Variants in CMTM8 observed in about 807,000 individuals in gnomAD.
CMTM8 encodes the protein CKLF like MARVEL transmembrane domain containing 8, also known as CKLF-like MARVEL transmembrane domain-containing protein 8.
A neutral mutation model predicts 18.6 loss-of-function variants in CMTM8; 12 were observed. The observed-to-expected ratio is 0.65, with a 90% CI of 0.41 to 1.05. The LOEUF is 1.05. Ranked by LOEUF, CMTM8 falls within the 50% of genes least tolerant of loss-of-function variation. CMTM8 has a pLI of 0.00. For synonymous variants in CMTM8, 87 were observed against 90.6 expected (o/e 0.96, Z 0.23); for missense variants, 217 against 227.2 (o/e 0.95, Z 0.29).
intron 1 of CMTM8, among the ~76,000 whole-genome samples, chr3:32,309,864 G>A (rs1441912629): frequency 2.0e-5 from 3 of 152,118 alleles, no homozygotes; most frequent in Non-Finnish European, 4.4e-5. Flanking sequence ...AGGCCCTCTC[G>A]TACTGCGGGC....
At chr3:32,312,845 G>A (rs1695846853) in intron 1 of CMTM8, among the ~76,000 whole-genome samples, 1 of 151,530 alleles carries the variant, frequency 6.6e-6, no homozygotes, top group Non-Finnish European at 1.5e-5. Context: ...ACTCAGATGT[G>A]GTTGAAAGGG....
intron 1 of CMTM8, among the ~76,000 whole-genome samples, chr3:32,294,861 C>T (rs1171156396): frequency 6.6e-6 from 1 of 152,014 alleles, no homozygotes; most frequent in Non-Finnish European, 1.5e-5. Flanking sequence ...TTGAGACCAG[C>T]CAGGCCAACA....
At chr3:32,258,520 T>C (rs576055758) in intron 1 of CMTM8, among the ~76,000 whole-genome samples, 1 of 152,352 alleles carries the variant, frequency 6.6e-6, no homozygotes, top group South Asian at 2.1e-4. Flanking sequence ...TGTTTTGTTT[T>C]GTTTTGTTTG....
chr3:32,238,386 C>T (rs1701894826), upstream of CMTM8: 3 of 152,300 alleles, frequency 2.0e-5, no homozygotes, highest in Admixed American at 6.5e-5. Flanking sequence ...GCCCGCAGCC[C>T]CCGACCCGCC....
chr3:32,340,763 C>A (rs1458901236), intron 1 of CMTM8, among the ~76,000 whole-genome samples: 1 of 152,204 alleles, frequency 6.6e-6, no homozygotes, highest in Non-Finnish European at 1.5e-5. Flanking sequence ...CGCATGTGGC[C>A]CTGGGCCAAA....
chr3:32,319,074 A>ATATATTTTTTTTTTTTTTTTTT, intron 1 of CMTM8, among the ~76,000 whole-genome samples: 1 of 31,530 alleles, frequency 3.2e-5, no homozygotes, highest in Non-Finnish European at 5.1e-5. Flanking sequence ...ATATATATAT[A>ATATATTTTTTTTTTTTTTTTTT]TTTTTTTTTT....
At chr3:32,269,013 A>G (rs1015081461) in intron 1 of CMTM8, among the ~76,000 whole-genome samples, 3 of 152,238 alleles carry the variant, frequency 2.0e-5, no homozygotes, top group Non-Finnish European at 4.4e-5. Flanking sequence ...TAAAGGATGC[A>G]ACAAGAAATC....
chr3:32,279,398 A>AATTCCC (rs1245598977), intron 1 of CMTM8, among the ~76,000 whole-genome samples: 2 of 108,450 alleles, frequency 1.8e-5, no homozygotes, highest in Admixed American at 1.1e-4. Context: ...CTCATTGTTC[A>AATTCCC]ATTCCCACCT....
chr3:32,359,909 C>T (rs1352064317), intron 2 of CMTM8, among the ~76,000 whole-genome samples: 1 of 152,156 alleles, frequency 6.6e-6, no homozygotes. Flanking sequence ...GATTTACACA[C>T]AGCAGGGGTC....
chr3:32,344,770 C>T (rs1696562342), intron 1 of CMTM8, among the ~76,000 whole-genome samples: 1 of 152,132 alleles, frequency 6.6e-6, no homozygotes, highest in Non-Finnish European at 1.5e-5. Flanking sequence ...TTGCATGCAC[C>T]TGTAGTTCCA....
At chr3:32,338,587 G>A (rs1268233049) in intron 1 of CMTM8, among the ~76,000 whole-genome samples, 2 of 152,154 alleles carry the variant, frequency 1.3e-5, no homozygotes, top group Non-Finnish European at 2.9e-5. Flanking sequence ...CCAAGGCTCA[G>A]GAAAATAGTT....
At chr3:32,298,061 T>G (rs1464756489) in intron 1 of CMTM8, among the ~76,000 whole-genome samples, 3 of 118,504 alleles carry the variant, frequency 2.5e-5, no homozygotes, top group African/African-American at 1.2e-4. Flanking sequence ...ACTAAAAACT[T>G]TTTTTTTTTT....
chr3:32,341,371 C>T (rs1696489211), intron 1 of CMTM8, among the ~76,000 whole-genome samples: 1 of 152,226 alleles, frequency 6.6e-6, no homozygotes, highest in East Asian at 1.9e-4. Flanking sequence ...GCTTCTCTGT[C>T]TCAAACACCA....
At chr3:32,291,331 A>G (rs915745234) in intron 1 of CMTM8, among the ~76,000 whole-genome samples, 3 of 151,360 alleles carry the variant, frequency 2.0e-5, no homozygotes, top group East Asian at 2.0e-4. Context: ...TAGTAGAGAC[A>G]GGGTTTCACC....
Position 32,258,858 on chromosome 3 carries a change from C to G in CMTM8, c.147+19739C>G, listed in dbSNP as rs534745088. 12 of 183,736 alleles carry G rather than the reference C, an allele frequency of 6.5e-5. No homozygotes were observed. In the South Asian group the frequency reaches 1.4e-3, roughly 21 times the overall value. The allele number at this position is 183,736 out of a possible 1,614,324, so 11.4% of individuals were successfully genotyped here. A position where few individuals can be genotyped will look rare whatever the true frequency, so the allele number is the denominator to read the frequency against. The stretch of plus-strand genomic sequence containing the variant: ...TGTTTTCCCCATGTTGGGTGTCATC[C>G]TTAGAAAGTACTATCTCACTACATG... On this transcript the variant is annotated intron_variant, in intron 1 of 3. Coordinates refer to ENST00000307526, the MANE Select transcript of CMTM8 (RefSeq NM_178868.5).
intron 1 of CMTM8, among the ~76,000 whole-genome samples, chr3:32,301,374 A>ATATG (rs1695614755): frequency 1.3e-5 from 2 of 151,980 alleles, no homozygotes; most frequent in African/African-American, 4.8e-5. Context: ...ACAGCTGTAT[A>ATATG]TATATATATA....
chr3:32,330,352 A>G (rs906233865), intron 1 of CMTM8, among the ~76,000 whole-genome samples: 8 of 152,232 alleles, frequency 5.3e-5, no homozygotes, highest in African/African-American at 1.9e-4. Flanking sequence ...CAAGCTGGGC[A>G]TAGTGGCATG....
chr3:32,274,295 G>C (rs1702483069), intron 1 of CMTM8, among the ~76,000 whole-genome samples: 2 of 143,184 alleles, frequency 1.4e-5, no homozygotes, highest in South Asian at 4.4e-4. Context: ...GGGTGACCCT[G>C]TCTCAAAAAA....
chr3:32,333,752 T>C (rs1054541204), intron 1 of CMTM8, among the ~76,000 whole-genome samples: 7 of 150,920 alleles, frequency 4.6e-5, no homozygotes, highest in African/African-American at 1.7e-4. Context: ...TGGTTTCAGG[T>C]GGTGAAAATA....
Sources: allele counts gnomAD v4.1 joint callset (sites outside exome capture counted in the v4.1 genomes callset), GRCh38; gene constraint gnomAD v4.1.1; transcripts MANE v1.5; gene names NCBI Gene and HGNC (gene_info 2026-07-23, HGNC 2026-07-21).